Variants in RASSF3 observed in about 807,000 individuals in gnomAD.
RASSF3 encodes the protein Ras association domain family member 3.
RASSF3 carries 19 observed loss-of-function variants against 19.9 expected under a neutral mutation model. The observed-to-expected ratio is 0.96, with a 90% confidence interval of 0.67 to 1.40. The LOEUF is 1.40. Among genes scored for constraint, RASSF3 ranks in the 40% most tolerant of loss-of-function variants. The pLI is 0.00. For missense variants in RASSF3, 306 were observed against 289.8 expected (o/e 1.06, Z -0.41); for synonymous variants, 110 against 104.2 (o/e 1.06, Z -0.34).
At chr12:64,546,943 T>A (rs963064981) in intron 2 of RASSF3, among the ~76,000 whole-genome samples, 1 of 152,176 alleles carries the variant, frequency 6.6e-6, no homozygotes, top group Non-Finnish European at 1.5e-5. Flanking sequence ...CCCTCATTCT[T>A]ATTTTGCTCC....
intron 2 of RASSF3, among the ~76,000 whole-genome samples, chr12:64,579,677 A>C (rs755453620): frequency 2.0e-5 from 3 of 151,932 alleles, no homozygotes; most frequent in Non-Finnish European, 2.9e-5. Context: ...TTTAATAAAC[A>C]ACTTTTTATT....
At chr12:64,532,776 A>T (rs549173359), upstream of RASSF3, among the ~76,000 whole-genome samples, 11 of 152,014 alleles carry the variant, frequency 7.2e-5, no homozygotes, top group South Asian at 2.3e-3. Flanking sequence ...TCAAGATTGC[A>T]GTGAGCCGAG....
At chr12:64,547,751 C>A (rs192665183) in intron 2 of RASSF3, among the ~76,000 whole-genome samples, 2 of 152,200 alleles carry the variant, frequency 1.3e-5, no homozygotes, top group East Asian at 3.9e-4. Context: ...ATCGATTTTT[C>A]AAATCAAATT....
intron 2 of RASSF3, among the ~76,000 whole-genome samples, chr12:64,583,826 T>C (rs1869744710): frequency 6.6e-6 from 1 of 152,190 alleles, no homozygotes; most frequent in Non-Finnish European, 1.5e-5. Flanking sequence ...CCACTTCCTG[T>C]TTTCTTTTAA....
chr12:64,653,324 C>T (rs1423436565), intron 1 of RASSF3, among the ~76,000 whole-genome samples: 1 of 152,146 alleles, frequency 6.6e-6, no homozygotes, highest in Non-Finnish European at 1.5e-5. Flanking sequence ...AAGTAATCCT[C>T]CCACTTCAGC....
chr12:64,521,965 TTGATTCA>T (rs1868487778), intron 1 of RASSF3, among the ~76,000 whole-genome samples: 2 of 152,240 alleles, frequency 1.3e-5, no homozygotes, highest in Non-Finnish European at 2.9e-5. Context: ...GCTGGCTTGG[TTGATTCA>T]TCTCAATTGG....
At chr12:64,645,825 C>T (rs1871711275) in intron 1 of RASSF3, among the ~76,000 whole-genome samples, 1 of 152,160 alleles carries the variant, frequency 6.6e-6, no homozygotes, top group Admixed American at 6.6e-5. Flanking sequence ...TTAACTACCA[C>T]CCAGATGTAG....
At chr12:64,595,635 A>C (rs974689481) in intron 2 of RASSF3, among the ~76,000 whole-genome samples, 2 of 152,206 alleles carry the variant, frequency 1.3e-5, no homozygotes, top group African/African-American at 4.8e-5. Flanking sequence ...ACAGAACCTA[A>C]GAGGATGCAG....
At chr12:64,661,990 TAA>T (rs58872891) in intron 1 of RASSF3, among the ~76,000 whole-genome samples, 24,774 of 144,218 alleles carry the variant, frequency 0.17, 2,208 homozygotes, top group Middle Eastern at 0.25. Flanking sequence ...CCCCATCTCT[TAA>T]AAAAAAAAAA....
chr12:64,610,746 G>A lies in RASSF3; in HGVS notation c.111+3G>A. 1 of 1,574,068 alleles carries A rather than the reference G, an allele frequency of 6.4e-7. No homozygotes were observed. Among genetic ancestry groups the A allele is most frequent in the Non-Finnish European group, 8.6e-7 (1 of 1,159,088 alleles). Reference sequence around the variant, plus strand: ...GCAAGCCCCGCTCCGGCCAACAAGTGAGTGGCGCGCGGCGGGCGCTGCAGC... The same window carrying A: ...GCAAGCCCCGCTCCGGCCAACAAGTAAGTGGCGCGCGGCGGGCGCTGCAGC... On this transcript the variant is annotated splice_donor_region_variant and intron_variant, in intron 1 of 4. Transcript: ENST00000542104.
upstream of RASSF3, among the ~76,000 whole-genome samples, chr12:64,530,401 C>A (rs1868683336): frequency 6.6e-6 from 1 of 151,998 alleles, no homozygotes; most frequent in South Asian, 2.1e-4. Context: ...CCTCAGCCTC[C>A]CAAAGTGCTG....
At chr12:64,591,627 C>T (rs986272532) in intron 2 of RASSF3, among the ~76,000 whole-genome samples, 1 of 152,190 alleles carries the variant, frequency 6.6e-6, no homozygotes, top group African/African-American at 2.4e-5. Context: ...TTCATCAATA[C>T]ATATTTCAAG....
At chr12:64,676,671 A>G (rs1872916953) in intron 1 of RASSF3, among the ~76,000 whole-genome samples, 1 of 151,598 alleles carries the variant, frequency 6.6e-6, no homozygotes, top group Non-Finnish European at 1.5e-5. Flanking sequence ...GGGTTTCACC[A>G]TGTTGGCCAC....
intron 2 of RASSF3, among the ~76,000 whole-genome samples, chr12:64,685,681 C>T (rs563821776): frequency 6.6e-6 from 1 of 152,336 alleles, no homozygotes; most frequent in African/African-American, 2.4e-5. Context: ...TCAGTTTCTT[C>T]CACGTCGCTG....
chr12:64,665,153 T>C (rs191567737), intron 1 of RASSF3, among the ~76,000 whole-genome samples: 34 of 152,258 alleles, frequency 2.2e-4, no homozygotes, highest in Non-Finnish European at 4.4e-4. Flanking sequence ...GTTCTAGGAG[T>C]TGCATGGATC....
chr12:64,594,193 G>T (rs1191629567), intron 2 of RASSF3, among the ~76,000 whole-genome samples: 1 of 151,880 alleles, frequency 6.6e-6, no homozygotes, highest in African/African-American at 2.4e-5. Context: ...AATTAGCCAG[G>T]CATGGTGGAA....
downstream of RASSF3, among the ~76,000 whole-genome samples, chr12:64,542,420 G>A (rs1183724092): frequency 6.6e-6 from 1 of 152,202 alleles, no homozygotes; most frequent in African/African-American, 2.4e-5. Context: ...TCTTCAACTG[G>A]TAGAACTAGT....
At chr12:64,667,539 C>T (rs928938745) in intron 1 of RASSF3, among the ~76,000 whole-genome samples, 3 of 152,134 alleles carry the variant, frequency 2.0e-5, no homozygotes, top group African/African-American at 7.2e-5. Context: ...GGTCGTAGCT[C>T]CTATTCTAAA....
chr12:64,634,864 G>T lies in RASSF3; in HGVS notation c.111+24121G>T, dbSNP rs189110821. On this transcript the variant is annotated intron_variant, in intron 1 of 4. Coordinates refer to ENST00000542104, the MANE Select transcript of RASSF3 (RefSeq NM_178169.4). ...TTATCCTTCTTAGTGCCTCAAACTA[G>T]GTTTTGCTCAGACATGTTATGACAA... Among the ~76,000 whole-genome samples the T allele has an allele frequency of 1.3e-3, 196 of 151,294 alleles. 1 individual carries two copies. The highest frequency in any genetic ancestry group is 1.1e-3 in the Non-Finnish European group (73 of 67,892).
Sources: allele counts gnomAD v4.1 joint callset (sites outside exome capture counted in the v4.1 genomes callset), GRCh38; gene constraint gnomAD v4.1.1; transcripts MANE v1.5; gene names NCBI Gene and HGNC (gene_info 2026-07-23, HGNC 2026-07-21).